LSM14A: variants seen among roughly 807,000 people sequenced by gnomAD.
LSM14A encodes protein LSM14 homolog A.
Under a neutral mutation model 52.4 loss-of-function variants are expected in LSM14A, and 14 were observed. That is an observed-to-expected ratio of 0.27 (90% CI 0.18 to 0.42). The LOEUF (loss-of-function observed/expected upper bound fraction) is 0.42, where lower values mean the gene tolerates loss of function less well. Ranked by LOEUF, LSM14A falls within the 10% of genes least tolerant of loss-of-function variation. The pLI, the probability that LSM14A is intolerant of heterozygous loss-of-function variation, is 1.00. For synonymous variants in LSM14A, 185 were observed against 200.3 expected (o/e 0.92, Z 0.64); for missense variants, 417 against 581.8 (o/e 0.72, Z 2.91).
rs528156530 is a variant in LSM14A at position 34,215,366 on chromosome 19, A to C, written c.715+66A>C. ...AATGTTTTCCACTCACTTTATTTTC[A>C]TTAGAAGGATTTACTTCATGTGAAT... On this transcript the variant is annotated intron_variant, in intron 5 of 9. Transcript: ENST00000544216. 74 of 1,394,554 alleles carry C rather than the reference A, an allele frequency of 5.3e-5. No individual in the cohort carries two copies. The African/African-American group carries it at 1.0e-3, about 19-fold the overall frequency. 86.4% of individuals were successfully genotyped at this position (1,394,554 alleles called of 1,614,324 possible).
At chr19:34,206,060 A>T (rs568926586) in intron 3 of LSM14A, among the ~76,000 whole-genome samples, 3 of 152,222 alleles carry the variant, frequency 2.0e-5, no homozygotes. Context: ...GCAAACCAAC[A>T]CAAGAGGAAA....
chr19:34,208,001 T>C (rs931722904), intron 3 of LSM14A, among the ~76,000 whole-genome samples: 3 of 152,194 alleles, frequency 2.0e-5, no homozygotes, highest in Non-Finnish European at 4.4e-5. Context: ...GTAATCTTCA[T>C]GTGTTTTAGG....
intron 4 of LSM14A, among the ~76,000 whole-genome samples, chr19:34,212,993 T>TA (rs879721186): frequency 2.0e-5 from 3 of 151,686 alleles, no homozygotes; most frequent in Admixed American, 6.6e-5. Flanking sequence ...ACATGTGAAA[T>TA]AAAAAAAATT....
intron 6 of LSM14A, among the ~76,000 whole-genome samples, chr19:34,216,348 G>A (rs1407083503): frequency 6.6e-6 from 1 of 151,744 alleles, no homozygotes; most frequent in African/African-American, 2.4e-5. Flanking sequence ...GGGAGGTGGA[G>A]CTTGCAGTGA....
chr19:34,209,108 C>G lies in LSM14A; in HGVS notation c.538+57C>G, dbSNP rs143301832. The G allele has an allele frequency of 5.1e-4, 736 of 1,444,272 alleles. 4 individuals carry two copies. In the African/African-American group the frequency reaches 9.4e-3, roughly 19 times the overall value. 89.5% of individuals were successfully genotyped at this position (1,444,272 alleles called of 1,614,324 possible). On this transcript the variant is annotated intron_variant, in intron 4 of 9. Coordinates refer to ENST00000544216, the MANE Select transcript of LSM14A (RefSeq NM_015578.4). Reference sequence around the variant, plus strand: ...TCTAAACTTTTATAGTGGTTTTTGTCTTTCTGAATGTAAGAGCTTTTGCAG... The same window carrying G: ...TCTAAACTTTTATAGTGGTTTTTGTGTTTCTGAATGTAAGAGCTTTTGCAG...
intron 1 of LSM14A, among the ~76,000 whole-genome samples, chr19:34,177,252 C>G (rs1269898080): frequency 2.6e-5 from 4 of 151,984 alleles, no homozygotes; most frequent in Non-Finnish European, 5.9e-5. Flanking sequence ...TTTTTTATGG[C>G]TAGTGTTTCT....
At chr19:34,198,304 T>C (rs963904222) in intron 3 of LSM14A, among the ~76,000 whole-genome samples, 3 of 131,300 alleles carry the variant, frequency 2.3e-5, no homozygotes, top group Non-Finnish European at 3.4e-5. Context: ...TAACAAAGAA[T>C]GGCAAAAAAA....
At chr19:34,196,508 G>A in intron 2 of LSM14A, 126 bp from the exon 3 acceptor site, 1 of 866,800 alleles carries the variant, frequency 1.2e-6, no homozygotes, top group South Asian at 2.5e-5. Flanking sequence ...AGTGCATATT[G>A]TAATTCATTT....
intron 1 of LSM14A, among the ~76,000 whole-genome samples, chr19:34,185,704 C>G (rs1266475722): frequency 6.6e-6 from 1 of 152,146 alleles, no homozygotes; most frequent in Non-Finnish European, 1.5e-5. Context: ...ATATATAATA[C>G]CTTATTCCAA....
chr19:34,218,907 T>C (rs902755066), intron 6 of LSM14A, among the ~76,000 whole-genome samples: 7 of 152,248 alleles, frequency 4.6e-5, no homozygotes, highest in Non-Finnish European at 8.8e-5. Context: ...ACCTATTTTC[T>C]TGCAATTTGT....
At chr19:34,225,228 G>A (rs1272731819) in intron 9 of LSM14A, among the ~76,000 whole-genome samples, 1 of 151,200 alleles carries the variant, frequency 6.6e-6, no homozygotes, top group Non-Finnish European at 1.5e-5. Flanking sequence ...GAGACCAAAG[G>A]TCTGTCAATG....
rs948108911 is a variant in LSM14A at position 34,174,238 on chromosome 19, C to T, written c.121+1475C>T. Among the ~76,000 whole-genome samples the T allele has an allele frequency of 2.4e-4, 37 of 152,294 alleles. 1 individual carries two copies. Among genetic ancestry groups the T allele is most frequent in the African/African-American group, 8.9e-4 (37 of 41,562 alleles). The stretch of plus-strand genomic sequence containing the variant: ...TGCTGGGATTACAGGCATGAGCCAC[C>T]GCGCCCAGCCTCTGGTAAATCTTTT... On this transcript the variant is annotated intron_variant, in intron 1 of 9. Coordinates refer to ENST00000544216, the MANE Select transcript of LSM14A (RefSeq NM_015578.4).
intron 1 of LSM14A, among the ~76,000 whole-genome samples, chr19:34,178,965 A>G (rs1024119478): frequency 2.0e-5 from 3 of 152,218 alleles, no homozygotes; most frequent in South Asian, 2.1e-4. Context: ...ATGTATGAAT[A>G]TTTTATGGAA....
chr19:34,214,445 A>C (rs1430804514), intron 4 of LSM14A, among the ~76,000 whole-genome samples: 1 of 151,666 alleles, frequency 6.6e-6, no homozygotes, highest in Non-Finnish European at 1.5e-5. Context: ...AGTAGCTGGG[A>C]ACACAGGCAC....
intron 3 of LSM14A, among the ~76,000 whole-genome samples, chr19:34,202,131 T>TTG (rs1176492353): frequency 6.6e-6 from 1 of 151,540 alleles, no homozygotes; most frequent in African/African-American, 2.4e-5. Flanking sequence ...AGTAAGTTTT[T>TTG]TTTTTTTTTT....
At chr19:34,218,212 G>A (rs1361444880) in intron 6 of LSM14A, among the ~76,000 whole-genome samples, 2 of 151,824 alleles carry the variant, frequency 1.3e-5, no homozygotes, top group South Asian at 2.1e-4. Flanking sequence ...CACCTTGTTG[G>A]TCAGGCTGGT....
At chr19:34,203,681 T>C (rs991409735) in intron 3 of LSM14A, among the ~76,000 whole-genome samples, 3 of 151,680 alleles carry the variant, frequency 2.0e-5, no homozygotes, top group African/African-American at 7.3e-5. Flanking sequence ...CGTGCGCCTG[T>C]AATCCCAGCT....
intron 3 of LSM14A, among the ~76,000 whole-genome samples, chr19:34,197,993 G>A (rs73929370): frequency 0.11 from 16,187 of 150,632 alleles, 1,514 homozygotes; most frequent in African/African-American, 0.23. Context: ...GCATTTTAGC[G>A]TTTAAACCAT....
chr19:34,212,247 C>T (rs1402337776), intron 4 of LSM14A, among the ~76,000 whole-genome samples: 1 of 152,120 alleles, frequency 6.6e-6, no homozygotes, highest in African/African-American at 2.4e-5. Flanking sequence ...ATTGCTTGAG[C>T]CCAGGAGGTT....
Sources: gnomAD v4.1 joint callset for allele counts (sites outside exome capture counted in the v4.1 genomes callset) on GRCh38, gnomAD v4.1.1 for gene constraint, MANE v1.5 for transcripts, NCBI Gene and HGNC (gene_info 2026-07-23, HGNC 2026-07-21) for gene names.